Variants in C1GALT1 observed in about 807,000 individuals in gnomAD.
The protein encoded by C1GALT1 is glycoprotein-N-acetylgalactosamine 3-beta-galactosyltransferase 1.
C1GALT1 carries 11 observed loss-of-function variants against 31.0 expected under a neutral mutation model. The ratio of observed to expected loss-of-function variants is 0.36; its 90% confidence interval spans 0.22 to 0.59. The LOEUF (loss-of-function observed/expected upper bound fraction) is 0.59, where lower values mean the gene tolerates loss of function less well. C1GALT1 is among the 20% of genes least tolerant of loss of function. The probability of loss-of-function intolerance (pLI) is 0.79; values close to 1 mark genes in which losing one functional copy is unlikely to be tolerated. For synonymous variants in C1GALT1, 175 were observed against 143.6 expected, an observed-to-expected ratio of 1.22 and a Z score of -1.56; for missense variants, 424 against 425.2, an observed-to-expected ratio of 1.00 and a Z score of 0.03.
intron 2 of C1GALT1, among the ~76,000 whole-genome samples, chr7:7,161,303 A>C (rs1375690416): frequency 1.3e-5 from 2 of 152,148 alleles, no homozygotes; most frequent in Non-Finnish European, 2.9e-5. Context: ...AAAACCTTAC[A>C]ACTCACTTAG....
intron 1 of C1GALT1, among the ~76,000 whole-genome samples, chr7:7,197,423 C>T (rs1781341083): frequency 6.6e-6 from 1 of 151,916 alleles, no homozygotes; most frequent in Admixed American, 6.6e-5. Context: ...GTACCAGTAC[C>T]ATGCTGTTTT....
At position 7,234,304 on chromosome 7, in the gene C1GALT1, A is replaced by G. The variant is rs976304029; in HGVS notation, c.-16A>G. 5.6e-6 allele frequency: 9 copies of G among 1,609,328 alleles called. No individual in the cohort carries two copies. The highest frequency in any genetic ancestry group is 7.6e-6 in the Non-Finnish European group (9 of 1,176,632). On this transcript the variant is annotated splice_region_variant and 5_prime_UTR_variant, in exon 2 of 4. Transcript: ENST00000436587. ...TCCTGCTAATTTTTGTTCTTACAGA[A>G]ATACACTTTCGGGAAATGGCCTCTA...
chr7:7,221,379 G>C (rs1240411545), intron 1 of C1GALT1, among the ~76,000 whole-genome samples: 1 of 151,978 alleles, frequency 6.6e-6, no homozygotes, highest in African/African-American at 2.4e-5. Context: ...GCAATGGCAT[G>C]GTATCTTTTC....
chr7:7,218,827 C>T (rs73335384), intron 1 of C1GALT1, among the ~76,000 whole-genome samples: 4,144 of 150,930 alleles, frequency 0.027, 204 homozygotes, highest in African/African-American at 0.097. Context: ...CATCTCAAAC[C>T]GTGTTTCTAT....
At chr7:7,231,259 T>G (rs1048301585) in intron 1 of C1GALT1, among the ~76,000 whole-genome samples, 1 of 152,224 alleles carries the variant, frequency 6.6e-6, no homozygotes, top group Non-Finnish European at 1.5e-5. Flanking sequence ...TTTTCTGTCC[T>G]TGGTTTTCAG....
chr7:7,178,130 A>G (rs57352078), upstream of C1GALT1: 3,449 of 202,774 alleles, frequency 0.017, 111 homozygotes, highest in African/African-American at 0.075. Flanking sequence ...GAATGCAGGA[A>G]TTCTGCAACA....
Position 7,207,335 on chromosome 7 carries a change from C to CTTTTTTTTTTTTTT in C1GALT1, c.-18+24532_-18+24545dup, listed in dbSNP as rs57510429. Among the ~76,000 whole-genome samples, 127 of 48,004 alleles carry CTTTTTTTTTTTTTT rather than the reference C, an allele frequency of 2.6e-3. 43 individuals are homozygous for CTTTTTTTTTTTTTT. Among genetic ancestry groups the CTTTTTTTTTTTTTT allele is most frequent in the South Asian group, 3.5e-3 (4 of 1,128 alleles). The allele number at this position is 48,004 out of a possible 152,430, so 31.5% of individuals were successfully genotyped here. On this transcript the variant is annotated intron_variant, in intron 1 of 3. Transcript: ENST00000436587. ...TCTCTGTGTTTCTCTTACTCTGTTG[C>CTTTTTTTTTTTTTT]TTTTTTTTTTTTTTTTTTTTTTTTT...
intron 1 of C1GALT1, among the ~76,000 whole-genome samples, chr7:7,219,179 C>A (rs1171279591): frequency 2.6e-5 from 4 of 152,138 alleles, no homozygotes; most frequent in African/African-American, 9.7e-5. Context: ...TTTGTGTTAA[C>A]AGGTAGAAGG....
At chr7:7,191,598 G>GTA in intron 1 of C1GALT1, among the ~76,000 whole-genome samples, 1 of 152,182 alleles carries the variant, frequency 6.6e-6, no homozygotes. Context: ...CATACCAATA[G>GTA]TATACAAGGG....
At position 7,243,654 on chromosome 7, in the gene C1GALT1, C is replaced by G; in HGVS notation, c.1019C>G (p.Pro340Arg). ...TTATACAGATATCAACCTACCTTAC[C>G]TGAACGTATACTAAAGGAAATTAGT... ...GYLYRYQPTLPERILKEISQA... is the reference protein window; with the variant it reads ...GYLYRYQPTLRERILKEISQA... The change falls in exon 4 of 4, where the codon CCT becomes CGT. Residue 340 changes from proline to arginine, a missense_variant. By Grantham distance (103) the Pro-to-Arg change is moderately radical. Around this residue, in one of 3 missense-constraint regions of C1GALT1, gnomAD observed 191 missense variants for 188.8 expected, o/e 1.01. Coordinates refer to ENST00000436587, the MANE Select transcript of C1GALT1 (RefSeq NM_020156.5). 2.5e-6 allele frequency: 4 copies of G among 1,610,438 alleles called. No individual in the cohort carries two copies. Among genetic ancestry groups the G allele is most frequent in the Non-Finnish European group, 3.4e-6 (4 of 1,178,866 alleles).
rs1354260670 is a variant in C1GALT1, at chr7:7,183,356, A to C, written c.-18+536A>C. ...CGCCCAGCGAGCGGGCTCCTTCCAG[A>C]GGTGCCTGGAGCTTGCTTGGGTCTA... On this transcript the variant is annotated intron_variant, in intron 1 of 3. Coordinates refer to ENST00000436587, the MANE Select transcript of C1GALT1 (RefSeq NM_020156.5). Among the ~76,000 whole-genome samples, 11 of 152,130 alleles carry C rather than the reference A, an allele frequency of 7.2e-5. No homozygotes were observed. The South Asian group carries it at 2.1e-3, about 29-fold the overall frequency.
chr7:7,197,996 C>T (rs1380974229), intron 1 of C1GALT1, among the ~76,000 whole-genome samples: 1 of 152,204 alleles, frequency 6.6e-6, no homozygotes, highest in African/African-American at 2.4e-5. Context: ...GACAATTTGA[C>T]TTCCTCTTTT....
upstream of C1GALT1, among the ~76,000 whole-genome samples, chr7:7,178,688 T>C (rs1002032084): frequency 1.3e-5 from 2 of 152,170 alleles, no homozygotes; most frequent in African/African-American, 4.8e-5. Flanking sequence ...AATCCTAACA[T>C]TGTATGCTAC....
At chr7:7,211,107 A>C (rs2128238910) in intron 1 of C1GALT1, among the ~76,000 whole-genome samples, 3 of 152,292 alleles carry the variant, frequency 2.0e-5, no homozygotes, top group Non-Finnish European at 4.4e-5. Context: ...GATCCTCGGA[A>C]GAATGGCATG....
chr7:7,212,328 G>A (rs1355265290), intron 1 of C1GALT1, among the ~76,000 whole-genome samples: 2 of 152,246 alleles, frequency 1.3e-5, no homozygotes, highest in African/African-American at 4.8e-5. Context: ...GGCTCTGCGT[G>A]TCAAGCTTGA....
chr7:7,195,715 G>T (rs991856059), intron 1 of C1GALT1, among the ~76,000 whole-genome samples: 1 of 152,132 alleles, frequency 6.6e-6, no homozygotes, highest in African/African-American at 2.4e-5. Flanking sequence ...TAAGTGCATT[G>T]TATCTCTATT....
intron 3 of C1GALT1, among the ~76,000 whole-genome samples, chr7:7,241,671 A>G (rs1259207429): frequency 6.6e-6 from 1 of 151,962 alleles, no homozygotes; most frequent in Non-Finnish European, 1.5e-5. Context: ...TTACTGATAT[A>G]TATGAAAACT....
chr7:7,180,768 T>C (rs999225049), upstream of C1GALT1, among the ~76,000 whole-genome samples: 2 of 152,218 alleles, frequency 1.3e-5, no homozygotes, highest in African/African-American at 4.8e-5. Flanking sequence ...CCTGTGCCTG[T>C]AATCCCAACT....
chr7:7,243,739 G>T lies in C1GALT1; in HGVS notation c.*12G>T, dbSNP rs763084610. 1.3e-6 allele frequency: 2 copies of T among 1,572,230 alleles called. No individual in the cohort carries two copies. Among genetic ancestry groups the T allele is most frequent in the South Asian group, 1.1e-5 (1 of 87,150 alleles). On this transcript the variant is annotated 3_prime_UTR_variant, in exon 4 of 4. Transcript: ENST00000436587. ...TAGGAAATCCTTGAAAGAAAATCAT[G>T]AATGAACAAAGGTAATATGTCTAGC...
Sources: allele counts gnomAD v4.1 joint callset (sites outside exome capture counted in the v4.1 genomes callset), GRCh38; gene constraint gnomAD v4.1.1; regional missense constraint gnomAD v4.1.1; transcripts MANE v1.5; gene names NCBI Gene and HGNC (gene_info 2026-07-23, HGNC 2026-07-21).